Variants in SLC24A4 observed in about 807,000 individuals in gnomAD.
SLC24A4 encodes solute carrier family 24 member 4.
Under a neutral mutation model 79.0 loss-of-function variants are expected in SLC24A4, and 53 were observed. The observed-to-expected ratio is 0.67, with a 90% confidence interval of 0.54 to 0.84. SLC24A4 has a LOEUF of 0.84. Ranked by LOEUF, SLC24A4 falls within the 40% of genes least tolerant of loss-of-function variation. The pLI, the probability that SLC24A4 is intolerant of heterozygous loss-of-function variation, is 0.00. For missense variants in SLC24A4, 731 were observed against 822.0 expected (o/e 0.89, Z 1.35); for synonymous variants, 323 against 323.8 (o/e 1.00, Z 0.03).
chr14:92,411,582 A>C (rs1890718507), intron 2 of SLC24A4, among the ~76,000 whole-genome samples: 1 of 152,186 alleles, frequency 6.6e-6, no homozygotes, highest in Non-Finnish European at 1.5e-5. Flanking sequence ...TGTATGAGAC[A>C]GAACCAAGTC....
intron 2 of SLC24A4, among the ~76,000 whole-genome samples, chr14:92,341,546 A>G (rs543036869): frequency 3.2e-4 from 49 of 152,316 alleles, no homozygotes; most frequent in Admixed American, 2.0e-3. Flanking sequence ...CGGCAAAGAG[A>G]GCTGTGTGAA....
rs930066568 is a variant in SLC24A4 at position 92,323,793 on chromosome 14, C to T, written c.-38C>T. On this transcript the variant is annotated 5_prime_UTR_variant, in exon 1 of 17. Coordinates refer to ENST00000532405, the MANE Select transcript of SLC24A4 (RefSeq NM_153646.4). The surrounding 1 kb of genome is among the most constrained non-coding windows in gnomAD (Gnocchi z 4.9). Reference sequence around the variant, plus strand: ...GATTGCACTCTGGCCGCTGAAGCTCCCCATCCTCTCCCAGAGACGGCACCC... The same window carrying T: ...GATTGCACTCTGGCCGCTGAAGCTCTCCATCCTCTCCCAGAGACGGCACCC... 2 of 1,537,030 alleles carry T rather than the reference C, an allele frequency of 1.3e-6. No individual in the cohort carries two copies. Among genetic ancestry groups the T allele is most frequent in the Admixed American group, 2.0e-5 (1 of 50,922 alleles).
rs147169647 is a variant in SLC24A4 at position 92,473,743 on chromosome 14, C to T, written c.1256-8937C>T. Reference sequence around the variant, plus strand: ...CATCTCCTGACCTTCAGACCTGCTGCTTCTGCCTCTCCTCTCCTGATTTCA... The same window carrying T: ...CATCTCCTGACCTTCAGACCTGCTGTTTCTGCCTCTCCTCTCCTGATTTCA... On this transcript the variant is annotated intron_variant, in intron 12 of 16. Transcript: ENST00000532405. Among the ~76,000 whole-genome samples the T allele has an allele frequency of 1.8e-3, 269 of 152,316 alleles. 2 individuals are homozygous for T. The highest frequency in any genetic ancestry group is 2.6e-3 in the Non-Finnish European group (175 of 68,014).
At chr14:92,447,511 CT>C in intron 9 of SLC24A4, 87 bp downstream of exon 9, 1 of 1,303,756 alleles carries the variant, frequency 7.7e-7, no homozygotes, top group Non-Finnish European at 1.1e-6. Flanking sequence ...AGAAAAACAT[CT>C]GTCAGATCTT....
intron 2 of SLC24A4, among the ~76,000 whole-genome samples, chr14:92,335,534 T>TC (rs1885738564): frequency 6.6e-6 from 1 of 151,336 alleles, no homozygotes; most frequent in African/African-American, 2.4e-5. Flanking sequence ...TTTGTATTTT[T>TC]TTTTTTTAAG....
intron 12 of SLC24A4, among the ~76,000 whole-genome samples, chr14:92,461,189 C>G (rs1893787246): frequency 1.3e-5 from 2 of 152,184 alleles, no homozygotes; most frequent in Admixed American, 1.3e-4. Flanking sequence ...CCTGGCCCGC[C>G]AACAGGACTC....
At chr14:92,366,305 G>C (rs773349333) in intron 2 of SLC24A4, among the ~76,000 whole-genome samples, 21 of 152,200 alleles carry the variant, frequency 1.4e-4, no homozygotes, top group Non-Finnish European at 2.6e-4. Context: ...CCCTCTGGTG[G>C]GCAGATGGTC....
intron 2 of SLC24A4, among the ~76,000 whole-genome samples, chr14:92,385,019 G>A (rs1889070641): frequency 6.6e-6 from 1 of 152,162 alleles, no homozygotes; most frequent in African/African-American, 2.4e-5. Flanking sequence ...GGAGTTCTGA[G>A]GAATAAATTG....
chr14:92,467,698 A>G (rs1894198938), intron 12 of SLC24A4, among the ~76,000 whole-genome samples: 1 of 152,198 alleles, frequency 6.6e-6, no homozygotes, highest in South Asian at 2.1e-4. Context: ...GAGGAAAAGT[A>G]GGAGGTAAAG....
rs374011841 is a variant in SLC24A4 at position 92,362,941 on chromosome 14, G to T, written c.241+36963G>T. 9.2e-5 allele frequency among the ~76,000 whole-genome samples: 14 copies of T among 152,358 alleles called. No individual in the cohort carries two copies. The East Asian group carries it at 2.5e-3, about 27-fold the overall frequency. Reference sequence around the variant, plus strand: ...ACGCCATGCCGGCAGGTGGCATGCTGCAGGGAGCACCCGAGAAGACGAGGC... The same window carrying T: ...ACGCCATGCCGGCAGGTGGCATGCTTCAGGGAGCACCCGAGAAGACGAGGC... On this transcript the variant is annotated intron_variant, in intron 2 of 16. Coordinates refer to ENST00000532405, the MANE Select transcript of SLC24A4 (RefSeq NM_153646.4).
At chr14:92,458,101 C>T (rs1357190093) in intron 12 of SLC24A4, among the ~76,000 whole-genome samples, 1 of 152,192 alleles carries the variant, frequency 6.6e-6, no homozygotes, top group Non-Finnish European at 1.5e-5. Context: ...GGGGCTCTTC[C>T]CAAAATGCCA....
At chr14:92,374,750 C>A (rs1888407648) in intron 2 of SLC24A4, among the ~76,000 whole-genome samples, 1 of 152,204 alleles carries the variant, frequency 6.6e-6, no homozygotes, top group African/African-American at 2.4e-5. Flanking sequence ...TTTCAGCATC[C>A]TATTACAGAA....
chr14:92,458,161 A>T (rs1893590175), intron 12 of SLC24A4, among the ~76,000 whole-genome samples: 1 of 152,120 alleles, frequency 6.6e-6, no homozygotes, highest in South Asian at 2.1e-4. Flanking sequence ...GGGCCTGGGG[A>T]TCTGCATTTT....
rs569911717 is a variant in SLC24A4, at chr14:92,441,020, G to A, written c.394-1069G>A. ...TCTGTGGAACCGTGCTTTTTGGCAGGGTTAAGGTGGCCGGCTTCTGCCCTG... is the reference window on the plus strand; with the variant it reads ...TCTGTGGAACCGTGCTTTTTGGCAGAGTTAAGGTGGCCGGCTTCTGCCCTG... On this transcript the variant is annotated intron_variant, in intron 4 of 16. Coordinates refer to ENST00000532405, the MANE Select transcript of SLC24A4 (RefSeq NM_153646.4). The surrounding 1 kb of genome is among the most constrained non-coding windows in gnomAD (Gnocchi z 4.6). Among the ~76,000 whole-genome samples, 46 of 152,192 alleles carry A rather than the reference G, an allele frequency of 3.0e-4. No individual in the cohort carries two copies. The highest frequency in any genetic ancestry group is 5.4e-4 in the Non-Finnish European group (37 of 67,984).
intron 2 of SLC24A4, among the ~76,000 whole-genome samples, chr14:92,384,905 C>T (rs1889063803): frequency 6.6e-6 from 1 of 152,130 alleles, no homozygotes; most frequent in South Asian, 2.1e-4. Context: ...GAATTCTGGC[C>T]CTTGCTCACA....
intron 12 of SLC24A4, among the ~76,000 whole-genome samples, chr14:92,461,072 G>A (rs1893776511): frequency 2.0e-5 from 3 of 152,170 alleles, no homozygotes; most frequent in Admixed American, 2.0e-4. Flanking sequence ...TGAAACGGTC[G>A]GCAATGACCC....
chr14:92,446,490 T>A (rs1445616484), intron 8 of SLC24A4, among the ~76,000 whole-genome samples: 1 of 152,226 alleles, frequency 6.6e-6, no homozygotes, highest in Non-Finnish European at 1.5e-5. Context: ...ATCAGCCACC[T>A]GCCCTGAGCA....
chr14:92,464,621 G>A (rs781405370), intron 12 of SLC24A4, among the ~76,000 whole-genome samples: 5 of 151,996 alleles, frequency 3.3e-5, no homozygotes, highest in Non-Finnish European at 7.4e-5. Context: ...GAAGGTGGTC[G>A]GTCCAGCCTC....
intron 12 of SLC24A4, among the ~76,000 whole-genome samples, chr14:92,468,205 G>A (rs1009112514): frequency 6.6e-6 from 1 of 152,132 alleles, no homozygotes; most frequent in Non-Finnish European, 1.5e-5. Flanking sequence ...AGTAAATTTA[G>A]CAAAAGCAGT....
Sources: allele counts gnomAD v4.1 joint callset (sites outside exome capture counted in the v4.1 genomes callset), GRCh38; gene constraint gnomAD v4.1.1; non-coding constraint Gnocchi (gnomAD v3.1); transcripts MANE v1.5; gene names NCBI Gene and HGNC (gene_info 2026-07-23, HGNC 2026-07-21).